Variants in DAB1 observed in about 807,000 individuals in gnomAD.
DAB1 encodes the protein DAB adaptor protein 1, also known as disabled homolog 1.
A neutral mutation model predicts 64.6 loss-of-function variants in DAB1; 15 were observed. That is an observed-to-expected ratio of 0.23 (90% confidence interval 0.16 to 0.36). The LOEUF (loss-of-function observed/expected upper bound fraction) is 0.36, where lower values mean the gene tolerates loss of function less well. Ranked by LOEUF, DAB1 falls within the 10% of genes least tolerant of loss-of-function variation. DAB1 has a pLI of 1.00. For missense variants in DAB1, 596 were observed against 706.7 expected, an observed-to-expected ratio of 0.84 and a Z score of 1.78; for synonymous variants, 235 against 251.9, an observed-to-expected ratio of 0.93 and a Z score of 0.64.
intron 6 of DAB1, among the ~76,000 whole-genome samples, chr1:57,759,326 A>G (rs1257491514): frequency 1.3e-5 from 2 of 152,190 alleles, no homozygotes; most frequent in Non-Finnish European, 2.9e-5. Flanking sequence ...GTTTCCTTAC[A>G]TGTAAAACTG....
At chr1:58,300,359 A>G (rs980846137) in intron 4 of DAB1, among the ~76,000 whole-genome samples, 2 of 151,876 alleles carry the variant, frequency 1.3e-5, no homozygotes, top group African/African-American at 4.8e-5. Flanking sequence ...CAGCCTGGCC[A>G]ACATGGTGAA....
chr1:58,388,588 T>C (rs1170228321), intron 3 of DAB1, among the ~76,000 whole-genome samples: 1 of 152,210 alleles, frequency 6.6e-6, no homozygotes, highest in Non-Finnish European at 1.5e-5. Flanking sequence ...CTCAAGCATT[T>C]GCACTAGCTC....
chr1:58,331,921 T>C (rs1662978253), intron 4 of DAB1, among the ~76,000 whole-genome samples: 1 of 152,188 alleles, frequency 6.6e-6, no homozygotes, highest in Admixed American at 6.5e-5. Context: ...AACGCATCTC[T>C]TCCATTTTAA....
intron 6 of DAB1, among the ~76,000 whole-genome samples, chr1:57,795,687 GGA>G (rs1650811161): frequency 8.8e-5 from 4 of 45,246 alleles, no homozygotes; most frequent in Admixed American, 7.0e-4. Context: ...AATTATGCTT[GGA>G]GATATATATA....
In DAB1 at chr1:57,061,174, G is replaced by C. The variant is rs540960185; in HGVS notation, c.723+1710C>G. Among the ~76,000 whole-genome samples, 3 of 144,492 alleles carry C rather than the reference G, an allele frequency of 2.1e-5. No individual in the cohort carries two copies. The South Asian group carries it at 6.8e-4, about 33-fold the overall frequency. The allele number at this position is 144,492 out of a possible 152,430, so 94.8% of individuals were successfully genotyped here. ...GTTTTTGAAAACGGGCCTGCATCTG[G>C]ATATGCTTTTTCATTAAAACTAACA... On this transcript the variant is annotated intron_variant, in intron 9 of 14. Transcript: ENST00000371236.
chr1:58,349,142 C>T (rs1451100288), intron 3 of DAB1, among the ~76,000 whole-genome samples: 1 of 152,196 alleles, frequency 6.6e-6, no homozygotes, highest in Admixed American at 6.5e-5. Context: ...ATCACTCGGA[C>T]CTTCTTCTTG....
intron 4 of DAB1, among the ~76,000 whole-genome samples, chr1:58,280,501 T>C (rs1005270484): frequency 1.1e-4 from 17 of 152,208 alleles, no homozygotes; most frequent in Admixed American, 4.6e-4. Flanking sequence ...TGCTACCTCA[T>C]AGGATTGTCA....
intron 2 of DAB1, among the ~76,000 whole-genome samples, chr1:57,232,596 G>A (rs1667769549): frequency 6.6e-6 from 1 of 151,978 alleles, no homozygotes; most frequent in Admixed American, 6.6e-5. Context: ...CCAGTTTTAG[G>A]GAGAAAACCG....
At chr1:58,363,814 G>C (rs2100528119) in intron 3 of DAB1, among the ~76,000 whole-genome samples, 1 of 152,264 alleles carries the variant, frequency 6.6e-6, no homozygotes, top group East Asian at 1.9e-4. Flanking sequence ...GCTTCCTCTT[G>C]CCCTTTTATT....
intron 4 of DAB1, among the ~76,000 whole-genome samples, chr1:58,217,211 G>A (rs1380832365): frequency 1.3e-5 from 2 of 152,230 alleles, no homozygotes; most frequent in Admixed American, 6.5e-5. Context: ...GTTGGGAAAG[G>A]ATAAGAAACT....
At chr1:57,768,847 G>A (rs1002094197) in intron 6 of DAB1, among the ~76,000 whole-genome samples, 1 of 152,000 alleles carries the variant, frequency 6.6e-6, no homozygotes, top group African/African-American at 2.4e-5. Context: ...ATTTCATAGG[G>A]GGCTTGGAAG....
chr1:57,960,539 A>G (rs1248923188), intron 5 of DAB1, among the ~76,000 whole-genome samples: 2 of 152,332 alleles, frequency 1.3e-5, no homozygotes, highest in Non-Finnish European at 2.9e-5. Flanking sequence ...ATATTTAAAA[A>G]ATAGTTGAAT....
At chr1:57,712,679 G>A (rs1029551811) in intron 6 of DAB1, among the ~76,000 whole-genome samples, 10 of 152,112 alleles carry the variant, frequency 6.6e-5, no homozygotes, top group Non-Finnish European at 1.0e-4. Context: ...GGCTGCTCAC[G>A]AGAGTGTGTA....
chr1:57,001,115 T>C lies in DAB1; in HGVS notation c.*16-2987A>G, dbSNP rs75644489. On this transcript the variant is annotated intron_variant, in intron 14 of 14. Coordinates refer to ENST00000371236, the MANE Select transcript of DAB1 (RefSeq NM_001365792.1). The stretch of plus-strand genomic sequence containing the variant: ...GCATTATACGTTTTGGCAATAGCTG[T>C]ACCTTCCTTATTATGGAATCTTAGA... 2.9e-3 allele frequency among the ~76,000 whole-genome samples: 437 copies of C among 152,336 alleles called. 4 individuals carry two copies. Among genetic ancestry groups the C allele is most frequent in the African/African-American group, 9.6e-3 (398 of 41,568 alleles).
At chr1:57,323,709 T>G (rs1348378829) in intron 1 of DAB1, among the ~76,000 whole-genome samples, 1 of 152,158 alleles carries the variant, frequency 6.6e-6, no homozygotes, top group Non-Finnish European at 1.5e-5. Flanking sequence ...AATTAAAAAT[T>G]ACATCTTTTT....
rs565871267 is a variant in DAB1, at chr1:58,357,487, C to T, written n.258-14084G>A. On this transcript the variant is annotated intron_variant and non_coding_transcript_variant, in intron 3 of 20. Coordinates refer to the DAB1 transcript ENST00000485760. ...AGATTTGATATGACCTGTTAACTTCCAAAAGAGAAAGTCCAATAGGCACTG... is the reference window on the plus strand; with the variant it reads ...AGATTTGATATGACCTGTTAACTTCTAAAAGAGAAAGTCCAATAGGCACTG... Among the ~76,000 whole-genome samples, 9 of 152,174 alleles carry T rather than the reference C, an allele frequency of 5.9e-5. No individual in the cohort carries two copies. The South Asian group carries it at 1.9e-3, about 32-fold the overall frequency.
At chr1:57,541,113 C>CA (rs1193820153) in intron 7 of DAB1, among the ~76,000 whole-genome samples, 4 of 149,142 alleles carry the variant, frequency 2.7e-5, no homozygotes, top group African/African-American at 9.8e-5. Flanking sequence ...CATTATGTAT[C>CA]AAAAAAAACT....
At chr1:57,023,779 C>T (rs951152023) in intron 10 of DAB1, 140 bp from the exon 11 acceptor site, 1 of 645,590 alleles carries the variant, frequency 1.5e-6, no homozygotes, top group Non-Finnish European at 2.9e-6. Context: ...AGCCCATGTG[C>T]TGGTTACATA....
upstream of DAB1, among the ~76,000 whole-genome samples, chr1:57,886,409 G>A (rs529153578): frequency 2.0e-5 from 3 of 152,130 alleles, no homozygotes; most frequent in Admixed American, 6.5e-5. Context: ...CACCTGCCTC[G>A]GCCTCCCAAA....
Sources: allele counts gnomAD v4.1 joint callset (sites outside exome capture counted in the v4.1 genomes callset), GRCh38; gene constraint gnomAD v4.1.1; transcripts MANE v1.5; gene names NCBI Gene and HGNC (gene_info 2026-07-23, HGNC 2026-07-21).